SEZ6: variants seen among roughly 807,000 people sequenced by gnomAD.
SEZ6 encodes seizure related 6 homolog.
Under a neutral mutation model 101.0 loss-of-function variants are expected in SEZ6, and 53 were observed. The observed-to-expected ratio is 0.52, with a 90% CI of 0.42 to 0.66. The LOEUF is 0.66. Ranked by LOEUF, SEZ6 falls within the 30% of genes least tolerant of loss-of-function variation. The probability of loss-of-function intolerance (pLI) is 0.00; values close to 1 mark genes in which losing one functional copy is unlikely to be tolerated. For synonymous variants in SEZ6, 488 were observed against 512.2 expected (o/e 0.95, Z 0.64); for missense variants, 1,102 against 1,289.4 (o/e 0.85, Z 2.23).
intron 3 of SEZ6, among the ~76,000 whole-genome samples, chr17:28,971,808 C>T (rs1237195929): frequency 1.3e-5 from 2 of 152,244 alleles, no homozygotes; most frequent in Non-Finnish European, 2.9e-5. Flanking sequence ...TTCCCAAATA[C>T]TCCAATGGGT....
chr17:28,956,459 C>G lies in SEZ6; in HGVS notation c.2740G>C (p.Ala914Pro), dbSNP rs368309828. ...YNSRSLDVAK[A>P]PAASSTLDAA... ...TCCAGGGTGCTGGAGGCAGCAGGTG[C>G]CTTGGCAACTGAAGACACAGAGGGT... is the stretch of plus-strand genomic sequence containing the variant. The change falls in exon 15 of 17, where the codon GCA (alanine) becomes CCA (proline). Residue 914 changes from alanine (A) to proline (P), a missense_variant. Ala to Pro is a conservative substitution (Grantham distance 27). This residue lies in a region of SEZ6 where 140 missense variants were observed against 135.7 expected (regional missense o/e 1.03). Transcript: ENST00000317338. 22 of 1,553,866 alleles carry G rather than the reference C, an allele frequency of 1.4e-5. No individual in the cohort carries two copies. Among genetic ancestry groups the G allele is most frequent in the Non-Finnish European group, 1.7e-5 (20 of 1,149,420 alleles).
chr17:28,986,783 C>T (rs1275528779), intron 1 of SEZ6, among the ~76,000 whole-genome samples: 1 of 152,216 alleles, frequency 6.6e-6, no homozygotes, highest in African/African-American at 2.4e-5. Context: ...GCTGCCCACT[C>T]AAGCCTCTGT....
intron 4 of SEZ6, among the ~76,000 whole-genome samples, chr17:28,965,073 C>T (rs1366144266): frequency 1.3e-5 from 2 of 150,378 alleles, no homozygotes; most frequent in South Asian, 2.1e-4. Context: ...AACAAACAGC[C>T]GGGAGTGGTG....
At position 28,955,819 on chromosome 17, in the gene SEZ6, A is replaced by T. The variant is rs2152682481; in HGVS notation, c.*143T>A. ...GGCATCGCAGGCGGGGAAGGGCACA[A>T]CTTCTTGAGGGCTTGGTGGCATCTC... On this transcript the variant is annotated 3_prime_UTR_variant, in exon 17 of 17. Coordinates refer to ENST00000317338, the MANE Select transcript of SEZ6 (RefSeq NM_178860.5). 2 of 996,404 alleles carry T rather than the reference A, an allele frequency of 2.0e-6. No homozygotes were observed. The highest frequency in any genetic ancestry group is 1.4e-5 in the South Asian group (1 of 72,564). The allele number at this position is 996,404 out of a possible 1,614,324, so 61.7% of individuals were successfully genotyped here.
chr17:28,974,025 G>A (rs1439971475), intron 3 of SEZ6, among the ~76,000 whole-genome samples: 1 of 152,182 alleles, frequency 6.6e-6, no homozygotes, highest in Non-Finnish European at 1.5e-5. Flanking sequence ...AGGTGGGAAG[G>A]ATTCAGGTTG....
chr17:28,960,388 T>A (rs2040957261), intron 7 of SEZ6, 117 bp downstream of exon 7: 2 of 1,370,820 alleles, frequency 1.5e-6, no homozygotes, highest in Non-Finnish European at 2.0e-6. Flanking sequence ...GAGCAGGGGC[T>A]GACTTGGAAG....
intron 1 of SEZ6, among the ~76,000 whole-genome samples, chr17:28,986,428 G>A (rs1352466922): frequency 1.3e-5 from 2 of 152,246 alleles, no homozygotes; most frequent in Non-Finnish European, 1.5e-5. Context: ...GGGATGGGGG[G>A]CGGGGCCCAG....
At chr17:28,974,906 G>A (rs1266054681) in intron 3 of SEZ6, among the ~76,000 whole-genome samples, 1 of 152,226 alleles carries the variant, frequency 6.6e-6, no homozygotes, top group Non-Finnish European at 1.5e-5. Context: ...TTGAGTCTTG[G>A]ATTGAATCCC....
At chr17:28,956,137 C>A in intron 16 of SEZ6, 22 bp downstream of exon 16, 1 of 1,603,086 alleles carries the variant, frequency 6.2e-7, no homozygotes, top group Non-Finnish European at 8.5e-7. Context: ...GATAGGGTGG[C>A]AAGGCTGGCA....
At chr17:28,994,789 G>A (rs1204068422) in intron 1 of SEZ6, among the ~76,000 whole-genome samples, 1 of 152,114 alleles carries the variant, frequency 6.6e-6, no homozygotes, top group Non-Finnish European at 1.5e-5. Context: ...CAACCCTGGG[G>A]GCTGATGGAG....
chr17:28,988,212 C>T (rs139654478), intron 1 of SEZ6, among the ~76,000 whole-genome samples: 14 of 152,328 alleles, frequency 9.2e-5, no homozygotes, highest in East Asian at 1.9e-4. Context: ...CCATCCTTCA[C>T]GGGTCAGTTC....
chr17:28,978,830 T>C (rs2041259599), intron 3 of SEZ6, among the ~76,000 whole-genome samples: 1 of 150,022 alleles, frequency 6.7e-6, no homozygotes, highest in African/African-American at 2.5e-5. Flanking sequence ...AGGGGAGGGA[T>C]GGTGGGGTCT....
At chr17:28,964,598 A>C (rs938129260) in intron 4 of SEZ6, among the ~76,000 whole-genome samples, 6 of 152,260 alleles carry the variant, frequency 3.9e-5, no homozygotes, top group African/African-American at 1.4e-4. Flanking sequence ...AAAGCACTTG[A>C]AATAGTGAAA....
chr17:28,956,044 T>C (rs2040872842), intron 16 of SEZ6, 50 bp from the exon 17 acceptor site: 2 of 1,607,914 alleles, frequency 1.2e-6, no homozygotes, highest in South Asian at 2.2e-5. Context: ...ATAATTCACC[T>C]TCCCTAGGAA....
At chr17:28,974,362 C>G (rs2041192894) in intron 3 of SEZ6, among the ~76,000 whole-genome samples, 1 of 152,148 alleles carries the variant, frequency 6.6e-6, no homozygotes. Context: ...CACCCCCTGG[C>G]AGAAAATAAC....
intron 1 of SEZ6, among the ~76,000 whole-genome samples, chr17:29,004,531 G>C (rs559699565): frequency 6.6e-4 from 100 of 152,350 alleles, no homozygotes; most frequent in Non-Finnish European, 1.1e-3. Flanking sequence ...TCAGAAAAAG[G>C]CTTCTGCGTC....
intron 3 of SEZ6, among the ~76,000 whole-genome samples, chr17:28,977,694 A>C (rs1452139548): frequency 1.3e-5 from 2 of 150,660 alleles, no homozygotes; most frequent in African/African-American, 4.9e-5. Context: ...GGGCTTCAGT[A>C]GGGGTGGTAG....
chr17:28,956,727 C>G lies in SEZ6; in HGVS notation c.2723G>C (p.Ser908Thr). Reference protein sequence around the residue: ...ASLDGFYNSRSLDVAKAPAAS... With the variant: ...ASLDGFYNSRTLDVAKAPAAS... ...CAAGGGTGGAGACTTACCATCCAGG[C>G]TGCGACTGTTGTAGAACCCATCCAG... Residue 908 changes from serine to threonine, a missense_variant, in exon 14 of 17, where the codon AGC becomes ACC. Transcript: ENST00000317338. The G allele has an allele frequency of 6.4e-7, 1 of 1,562,882 alleles. No homozygotes were observed. The highest frequency in any genetic ancestry group is 8.7e-7 in the Non-Finnish European group (1 of 1,153,370).
intron 1 of SEZ6, among the ~76,000 whole-genome samples, chr17:28,993,950 C>T (rs956608191): frequency 6.6e-6 from 1 of 152,232 alleles, no homozygotes; most frequent in Non-Finnish European, 1.5e-5. Context: ...AAGTTACCTC[C>T]CTGACTTTGT....
Sources: allele counts gnomAD v4.1 joint callset (sites outside exome capture counted in the v4.1 genomes callset), GRCh38; gene constraint gnomAD v4.1.1; regional missense constraint gnomAD v4.1.1; transcripts MANE v1.5; gene names NCBI Gene and HGNC (gene_info 2026-07-23, HGNC 2026-07-21).